ZNF423: variants seen among roughly 807,000 people sequenced by gnomAD.
The protein encoded by ZNF423 is Ebf-associated zinc finger protein.
A neutral mutation model predicts 95.8 loss-of-function variants in ZNF423; 12 were observed. The observed-to-expected ratio is 0.13, with a 90% CI of 0.08 to 0.20. The LOEUF is 0.20. Ranked by LOEUF, ZNF423 falls within the 10% of genes least tolerant of loss-of-function variation. The pLI is 1.00. For missense variants in ZNF423, 1,316 were observed against 1,737.1 expected, an observed-to-expected ratio of 0.76 and a Z score of 4.31; for synonymous variants, 749 against 711.9, an observed-to-expected ratio of 1.05 and a Z score of -0.83.
At chr16:49,680,972 T>C (rs961953708) in intron 3 of ZNF423, among the ~76,000 whole-genome samples, 1 of 152,240 alleles carries the variant, frequency 6.6e-6, no homozygotes, top group Non-Finnish European at 1.5e-5. Context: ...ATCACAGGTA[T>C]GAGCCACCAT....
At chr16:49,698,039 C>T (rs1486366197) in intron 3 of ZNF423, among the ~76,000 whole-genome samples, 1 of 152,166 alleles carries the variant, frequency 6.6e-6, no homozygotes, top group Non-Finnish European at 1.5e-5. Context: ...CAGCCCGACT[C>T]CACATTGTCC....
At chr16:49,493,771 G>C (rs192782538) in intron 7 of ZNF423, among the ~76,000 whole-genome samples, 3 of 152,320 alleles carry the variant, frequency 2.0e-5, no homozygotes, top group Admixed American at 2.0e-4. Flanking sequence ...AGGGGAGAGG[G>C]CATTCCAAGA....
intron 3 of ZNF423, among the ~76,000 whole-genome samples, chr16:49,709,432 A>G (rs1477114406): frequency 6.6e-6 from 1 of 151,944 alleles, no homozygotes; most frequent in Non-Finnish European, 1.5e-5. Flanking sequence ...AGACACGTTT[A>G]TCAGGTTCCT....
rs770863927 is a variant in ZNF423 at position 49,637,385 on chromosome 16, C to T, written c.1791G>A (p.Lys597=). ...KLTKHIKENH[K]NIPLAHSKKS... The stretch of plus-strand genomic sequence containing the variant: ...TCTTGCTGTGGGCCAGTGGAATGTT[C>T]TTGTGGTTCTCCTTGATGTGCTTGG... Residue 597 remains lysine (K), a synonymous_variant, in exon 4 of 8, where the codon AAG becomes AAA. Transcript: ENST00000563137. This position sits in a 1 kb window ranked among gnomAD's most constrained non-coding sequence, Gnocchi z 5.6. The T allele has an allele frequency of 5.6e-6, 9 of 1,614,176 alleles. No homozygotes were observed. In the South Asian group the frequency reaches 8.8e-5, roughly 16 times the overall value.
At chr16:49,732,087 A>C (rs1208453203) in intron 2 of ZNF423, among the ~76,000 whole-genome samples, 1 of 152,210 alleles carries the variant, frequency 6.6e-6, no homozygotes, top group African/African-American at 2.4e-5. Context: ...TCAAAGGATC[A>C]TGTGATCCAA....
intron 5 of ZNF423, among the ~76,000 whole-genome samples, chr16:49,586,713 C>T (rs1596677600): frequency 6.6e-6 from 1 of 152,210 alleles, no homozygotes; most frequent in African/African-American, 2.4e-5. Context: ...ACAACTGCCT[C>T]GCTGCAGGAC....
chr16:49,587,544 G>A (rs1276828959), intron 5 of ZNF423, among the ~76,000 whole-genome samples: 1 of 152,134 alleles, frequency 6.6e-6, no homozygotes, highest in African/African-American at 2.4e-5. Context: ...TGACACTGGT[G>A]TGGGAGAGGG....
intron 3 of ZNF423, among the ~76,000 whole-genome samples, chr16:49,647,867 T>A (rs939722897): frequency 6.6e-6 from 1 of 152,198 alleles, no homozygotes; most frequent in African/African-American, 2.4e-5. Flanking sequence ...TAATACAGAT[T>A]TTGGTACCAG....
chr16:49,501,264 G>T (rs1009082088), intron 7 of ZNF423, among the ~76,000 whole-genome samples: 3 of 152,176 alleles, frequency 2.0e-5, no homozygotes, highest in African/African-American at 7.2e-5. Context: ...TCAGCCCCAA[G>T]AACTCAAACT....
intron 5 of ZNF423, among the ~76,000 whole-genome samples, chr16:49,599,968 G>A (rs904224875): frequency 6.6e-6 from 1 of 152,190 alleles, no homozygotes; most frequent in African/African-American, 2.4e-5. Flanking sequence ...TTGTAAAACT[G>A]TATCACGCAA....
At chr16:49,600,564 C>T (rs1055966753) in intron 5 of ZNF423, among the ~76,000 whole-genome samples, 2 of 152,062 alleles carry the variant, frequency 1.3e-5, no homozygotes, top group African/African-American at 4.8e-5. Context: ...CTCAGTCTTC[C>T]ATGGCAAAAA....
intron 3 of ZNF423, among the ~76,000 whole-genome samples, chr16:49,722,966 T>C (rs990535933): frequency 2.7e-5 from 4 of 150,740 alleles, no homozygotes; most frequent in Non-Finnish European, 4.4e-5. Context: ...TTTTTTTTTT[T>C]TTTTTTTGAG....
At chr16:49,605,124 A>C (rs1267016208) in intron 5 of ZNF423, among the ~76,000 whole-genome samples, 1 of 152,022 alleles carries the variant, frequency 6.6e-6, no homozygotes, top group East Asian at 1.9e-4. Flanking sequence ...TGGGTCCCAA[A>C]GTCCCAGCTC....
At chr16:49,648,621 C>A (rs1015624966) in intron 3 of ZNF423, among the ~76,000 whole-genome samples, 14 of 150,800 alleles carry the variant, frequency 9.3e-5, no homozygotes, top group Non-Finnish European at 1.9e-4. Flanking sequence ...CACTGCACTC[C>A]AGCCTGGGTG....
At position 49,665,980 on chromosome 16, in the gene ZNF423, C is replaced by T. The variant is rs149814724; in HGVS notation, c.302-27106G>A. On this transcript the variant is annotated intron_variant, in intron 3 of 7. Coordinates refer to ENST00000563137, the MANE Select transcript of ZNF423 (RefSeq NM_001379286.1). Reference sequence around the variant, plus strand: ...ATCAGCTCCTAATGGCCTGGCTGTCCCGAGTGGGCCCCGGAACACAGCAAA... The same window carrying T: ...ATCAGCTCCTAATGGCCTGGCTGTCTCGAGTGGGCCCCGGAACACAGCAAA... Among the ~76,000 whole-genome samples the T allele has an allele frequency of 4.8e-3, 731 of 152,266 alleles. 7 individuals are homozygous for T. Among genetic ancestry groups the T allele is most frequent in the African/African-American group, 0.017 (712 of 41,534 alleles).
chr16:49,680,265 C>G (rs1366670524), intron 3 of ZNF423, among the ~76,000 whole-genome samples: 1 of 152,332 alleles, frequency 6.6e-6, no homozygotes, highest in East Asian at 1.9e-4. Context: ...GCGACCTGCC[C>G]ATGGGAAGGA....
chr16:49,790,105 G>A (rs1597011210), intron 1 of ZNF423, among the ~76,000 whole-genome samples: 1 of 152,290 alleles, frequency 6.6e-6, no homozygotes, highest in South Asian at 2.1e-4. Flanking sequence ...TAGAGGCCAT[G>A]CACTAGGAGA....
intron 5 of ZNF423, among the ~76,000 whole-genome samples, chr16:49,558,321 G>GGCACACAA (rs1969904838): frequency 1.3e-5 from 2 of 152,160 alleles, no homozygotes; most frequent in Non-Finnish European, 2.9e-5. Context: ...AACTCTGCTT[G>GGCACACAA]GCACACAAGC....
intron 2 of ZNF423, among the ~76,000 whole-genome samples, chr16:49,774,107 C>T (rs1030063808): frequency 3.3e-5 from 5 of 152,230 alleles, no homozygotes. Flanking sequence ...GTGAGTCCTA[C>T]GCAGCTCTTT....
Sources: gnomAD v4.1 joint callset for allele counts (sites outside exome capture counted in the v4.1 genomes callset) on GRCh38, gnomAD v4.1.1 for gene constraint, Gnocchi (gnomAD v3.1) non-coding constraint, MANE v1.5 for transcripts, NCBI Gene and HGNC (gene_info 2026-07-23, HGNC 2026-07-21) for gene names.